The following CCN1 variants were observed in gnomAD, a reference collection of about 807,000 sequenced individuals.
The protein encoded by CCN1 is CCN family member 1.
In CCN1, 12 loss-of-function variants were observed where a neutral mutation model predicts 38.1. The observed-to-expected ratio is 0.31, with a 90% CI of 0.20 to 0.51. The LOEUF (loss-of-function observed/expected upper bound fraction) is 0.51, where lower values mean the gene tolerates loss of function less well. Ranked by LOEUF, CCN1 falls within the 20% of genes least tolerant of loss-of-function variation. CCN1 has a pLI of 0.97. For missense variants in CCN1, 466 were observed against 490.9 expected, an observed-to-expected ratio of 0.95 and a Z score of 0.48; for synonymous variants, 202 against 196.1, an observed-to-expected ratio of 1.03 and a Z score of -0.25.
Position 85,582,498 on chromosome 1 carries a change from C to T in CCN1, c.717C>T (p.Cys239=). ...TTCAAACAACTTCATGGTCCCAGTG[C>T]TCAAAGACCTGTGGAACTGGTATCT... ...CIVQTTSWSQ[C]SKTCGTGIST... Residue 239 remains cysteine, a synonymous_variant, in exon 4 of 5, where the codon TGC becomes TGT. Coordinates refer to ENST00000451137, the MANE Select transcript of CCN1 (RefSeq NM_001554.5). The T allele has an allele frequency of 2.5e-6, 4 of 1,614,192 alleles. No homozygotes were observed. Among genetic ancestry groups the T allele is most frequent in the Non-Finnish European group, 3.4e-6 (4 of 1,180,044 alleles).
At chr1:85,581,312 C>G in intron 1 of CCN1, 53 bp from the exon 2 acceptor site, 1 of 1,486,562 alleles carries the variant, frequency 6.7e-7, no homozygotes, top group Non-Finnish European at 9.0e-7. Flanking sequence ...GCAGCCGCGG[C>G]GCCCCTCCTG....
rs1301978847 is a variant in CCN1 at position 85,582,760 on chromosome 1, G to A, written c.864G>A (p.Lys288=). Residue 288 remains lysine (K), a synonymous_variant, in exon 5 of 5, where the codon AAG becomes AAA. Coordinates refer to ENST00000451137, the MANE Select transcript of CCN1 (RefSeq NM_001554.5). ...TACAGAAGGGCAAGAAATGCAGCAA[G>A]ACCAAGAAATCCCCCGAACCAGTCA... ...SSLKKGKKCS[K]TKKSPEPVRF... 6.2e-7 allele frequency: 1 copy of A among 1,613,712 alleles called. No individual in the cohort carries two copies. The highest frequency in any genetic ancestry group is 1.3e-5 in the African/African-American group (1 of 74,908).
rs372035630 is a variant in CCN1, at chr1:85,582,506, C to A, written c.725C>A (p.Thr242Asn). The change falls in exon 4 of 5, where the codon ACC (threonine) becomes AAC (asparagine). Residue 242 changes from threonine (T) to asparagine (N), a missense_variant. Around this residue, in one of 3 missense-constraint regions of CCN1, gnomAD observed 309 missense variants for 319.9 expected, o/e 0.97. Coordinates refer to ENST00000451137, the MANE Select transcript of CCN1 (RefSeq NM_001554.5). ...QTTSWSQCSK[T>N]CGTGISTRVT... ...ACTTCATGGTCCCAGTGCTCAAAGA[C>A]CTGTGGAACTGGTATCTCCACACGA... 6.2e-7 allele frequency: 1 copy of A among 1,614,166 alleles called. No homozygotes were observed. Among genetic ancestry groups the A allele is most frequent in the Non-Finnish European group, 8.5e-7 (1 of 1,180,036 alleles).
chr1:85,581,013 C>G lies in CCN1; in HGVS notation c.29C>G (p.Ala10Gly). The G allele has an allele frequency of 1.9e-6, 3 of 1,610,178 alleles. No homozygotes were observed. The highest frequency in any genetic ancestry group is 2.5e-6 in the Non-Finnish European group (3 of 1,178,668). Residue 10 changes from alanine to glycine, a missense_variant, in exon 1 of 5, where the codon GCC (alanine) becomes GGC (glycine). Around this residue, in one of 3 missense-constraint regions of CCN1, gnomAD observed 146 missense variants for 141.1 expected, o/e 1.03. Transcript: ENST00000451137. The part of the protein sequence containing the change: MSSRIARAL[A>G]LVVTLLHLTR... ...AGCTCCCGCATCGCCAGGGCGCTCG[C>G]CTTAGTCGTCACCCTTCTCCACTTG...
chr1:85,581,000 G>A lies in CCN1; in HGVS notation c.16G>A (p.Ala6Thr). ...GCGCGCCACAATGAGCTCCCGCATC[G>A]CCAGGGCGCTCGCCTTAGTCGTCAC... The part of the protein sequence containing the change: MSSRI[A>T]RALALVVTLL... Residue 6 changes from alanine to threonine, a missense_variant, in exon 1 of 5, where the codon GCC (alanine) becomes ACC (threonine). By Grantham distance (58) the Ala-to-Thr change is moderately conservative. Transcript: ENST00000451137. 1 of 1,605,952 alleles carries A rather than the reference G, an allele frequency of 6.2e-7. No individual in the cohort carries two copies. The highest frequency in any genetic ancestry group is 1.3e-5 in the African/African-American group (1 of 74,276).
At chr1:85,581,743 A>G (rs1659795119) in intron 2 of CCN1, 165 bp downstream of exon 2, 4 of 1,113,578 alleles carry the variant, frequency 3.6e-6, no homozygotes, top group Non-Finnish European at 5.3e-6. Context: ...TCTGGGCCCA[A>G]CGAAAGCGCA....
rs1002730214 is a variant in CCN1, at chr1:85,582,258, A to T, written c.608A>T (p.Lys203Ile). The T allele has an allele frequency of 1.9e-6, 3 of 1,614,174 alleles. No individual in the cohort carries two copies. Among genetic ancestry groups the T allele is most frequent in the Non-Finnish European group, 1.7e-6 (2 of 1,180,038 alleles). ...TRNNELIAVG[K>I]GSSLKRLPVF... is the part of the protein sequence containing the mutation. Reference sequence around the variant, plus strand: ...AACAATGAATTGATTGCAGTTGGAAAAGGCAGCTCACTGAAGCGGCTCCCT... The same window carrying T: ...AACAATGAATTGATTGCAGTTGGAATAGGCAGCTCACTGAAGCGGCTCCCT... The change falls in exon 3 of 5, where the codon AAA becomes ATA. Residue 203 changes from lysine to isoleucine, a missense_variant. Physicochemically the swap from Lys to Ile is moderately radical, Grantham distance 102 (BLOSUM62 -3). Around this residue, in one of 3 missense-constraint regions of CCN1, gnomAD observed 309 missense variants for 319.9 expected, o/e 0.97. Coordinates refer to ENST00000451137, the MANE Select transcript of CCN1 (RefSeq NM_001554.5).
At position 85,583,599 on chromosome 1, in the gene CCN1, G is replaced by A. The variant is rs1157295097; in HGVS notation, c.*557G>A. On this transcript the variant is annotated 3_prime_UTR_variant, in exon 5 of 5. Transcript: ENST00000451137. ...TATCAAAATGTAGCTTTTGGGGAGG[G>A]AGGGGAAATGTAATACTGGAATAAT... 6.5e-6 allele frequency: 1 copy of A among 152,722 alleles called. No individual in the cohort carries two copies. Among genetic ancestry groups the A allele is most frequent in the African/African-American group, 2.4e-5 (1 of 41,440 alleles). The allele number at this position is 152,722 out of a possible 1,614,324, so 9.5% of individuals were successfully genotyped here.
At position 85,583,167 on chromosome 1, in the gene CCN1, C is replaced by A; in HGVS notation, c.*125C>A. 1 of 1,087,692 alleles carries A rather than the reference C, an allele frequency of 9.2e-7. No individual in the cohort carries two copies. Among genetic ancestry groups the A allele is most frequent in the Non-Finnish European group, 1.3e-6 (1 of 761,124 alleles). The allele number at this position is 1,087,692 out of a possible 1,614,324, so 67.4% of individuals were successfully genotyped here. On this transcript the variant is annotated 3_prime_UTR_variant, in exon 5 of 5. Transcript: ENST00000451137. ...GACTCATTGTAGAAAGGAAGCCTTGCTCATTCTTGAGGAGCATTAAGGTAT... is the reference window on the plus strand; with the variant it reads ...GACTCATTGTAGAAAGGAAGCCTTGATCATTCTTGAGGAGCATTAAGGTAT...
At position 85,583,019 on chromosome 1, in the gene CCN1, G is replaced by C; in HGVS notation, c.1123G>C (p.Asp375His). The C allele has an allele frequency of 6.2e-7, 1 of 1,610,512 alleles. No individual in the cohort carries two copies. Among genetic ancestry groups the C allele is most frequent in the South Asian group, 1.1e-5 (1 of 91,042 alleles). Residue 375 changes from aspartate (D) to histidine (H), a missense_variant, in exon 5 of 5, where the codon GAC (aspartate) becomes CAC (histidine). This residue lies in a region of CCN1 where 309 missense variants were observed against 319.9 expected (regional missense o/e 0.97). Transcript: ENST00000451137. ...AAFPFYRLFN[D>H]IHKFRD is the part of the protein sequence containing the mutation. ...GTTTCCCTTCTACAGGCTGTTCAATGACATTCACAAATTTAGGGACTAAAT... is the reference window on the plus strand; with the variant it reads ...GTTTCCCTTCTACAGGCTGTTCAATCACATTCACAAATTTAGGGACTAAAT...
chr1:85,581,947 C>T lies in CCN1; in HGVS notation c.297C>T (p.Pro99=). The T allele has an allele frequency of 6.2e-7, 1 of 1,614,192 alleles. No homozygotes were observed. Among genetic ancestry groups the T allele is most frequent in the Non-Finnish European group, 8.5e-7 (1 of 1,180,018 alleles). The change falls in exon 3 of 5, where the codon CCC becomes CCT. Residue 99 remains proline (P), a synonymous_variant. Coordinates refer to ENST00000451137, the MANE Select transcript of CCN1 (RefSeq NM_001554.5). ...GICRAQSEGR[P]CEYNSRIYQN... is the part of the protein sequence containing the mutation. ...TTGCAGCTCAGTCAGAGGGCAGACC[C>T]TGTGAATATAACTCCAGAATCTACC...
At position 85,582,142 on chromosome 1, in the gene CCN1, C is replaced by G. The variant is rs781648697; in HGVS notation, c.492C>G (p.Asp164Glu). Residue 164 changes from aspartate to glutamate, a missense_variant, in exon 3 of 5, where the codon GAC becomes GAG. This residue lies in a region of CCN1 where 309 missense variants were observed against 319.9 expected (regional missense o/e 0.97). Coordinates refer to ENST00000451137, the MANE Select transcript of CCN1 (RefSeq NM_001554.5). Reference protein sequence around the residue: ...TGQCCEEWVCDEDSIKDPMED... With the variant: ...TGQCCEEWVCEEDSIKDPMED... ...AGTGCTGCGAGGAGTGGGTCTGTGACGAGGATAGTATCAAGGACCCCATGG... is the reference window on the plus strand; with the variant it reads ...AGTGCTGCGAGGAGTGGGTCTGTGAGGAGGATAGTATCAAGGACCCCATGG... 2.5e-6 allele frequency: 4 copies of G among 1,614,108 alleles called. No homozygotes were observed. The highest frequency in any genetic ancestry group is 3.4e-6 in the Non-Finnish European group (4 of 1,180,020).
rs764029932 is a variant in CCN1, at chr1:85,582,520, A to G, written c.739A>G (p.Ile247Val). ...GTGCTCAAAGACCTGTGGAACTGGT[A>G]TCTCCACACGAGTTACCAATGACAA... ...SQCSKTCGTG[I>V]STRVTNDNPE... The change falls in exon 4 of 5, where the codon ATC (isoleucine) becomes GTC (valine). Residue 247 changes from isoleucine to valine, a missense_variant. Ile to Val is a conservative substitution (Grantham distance 29). Transcript: ENST00000451137. The G allele has an allele frequency of 1.2e-6, 2 of 1,614,198 alleles. No homozygotes were observed. Among genetic ancestry groups the G allele is most frequent in the South Asian group, 1.1e-5 (1 of 91,080 alleles).
chr1:85,581,733 T>C, intron 2 of CCN1, 155 bp downstream of exon 2: 3 of 1,149,980 alleles, frequency 2.6e-6, no homozygotes, highest in Non-Finnish European at 3.8e-6. Context: ...ATTCAGTGTG[T>C]CTGGGCCCAA....
In CCN1 at chr1:85,580,872, C is replaced by G. The variant is rs1659756491; in HGVS notation, c.-113C>G. ...CGCCCAGCCCTCGCCTCCCTGCCCACCGGGCCCACCGCGCCGCCACCCCGA... is the reference window on the plus strand; with the variant it reads ...CGCCCAGCCCTCGCCTCCCTGCCCAGCGGGCCCACCGCGCCGCCACCCCGA... On this transcript the variant is annotated 5_prime_UTR_variant, in exon 1 of 5. Coordinates refer to ENST00000451137, the MANE Select transcript of CCN1 (RefSeq NM_001554.5). The G allele has an allele frequency of 1.9e-6, 2 of 1,035,466 alleles. No individual in the cohort carries two copies. Among genetic ancestry groups the G allele is most frequent in the Non-Finnish European group, 2.6e-6 (2 of 781,756 alleles). The allele number at this position is 1,035,466 out of a possible 1,614,324, so 64.1% of individuals were successfully genotyped here. A position where few individuals can be genotyped will look rare whatever the true frequency, so the allele number is the denominator to read the frequency against.
Position 85,581,558 on chromosome 1 carries a change from C to T in CCN1, c.257C>T (p.Ala86Val), listed in dbSNP as rs1006894670. The change falls in exon 2 of 5, where the codon GCT becomes GTT. Residue 86 changes from alanine to valine, a missense_variant. Transcript: ENST00000451137. ...TGCAACTTCGGCGCCAGCTCCACCG[C>T]TCTGAAGGGGATCTGCAGAGGTAAG... ...LECNFGASST[A>V]LKGICRAQSE... 1.2e-6 allele frequency: 2 copies of T among 1,613,938 alleles called. No individual in the cohort carries two copies. The highest frequency in any genetic ancestry group is 1.7e-6 in the Non-Finnish European group (2 of 1,179,974).
Position 85,582,262 on chromosome 1 carries a change from C to G in CCN1, c.612C>G (p.Gly204=). The part of the protein sequence containing the change: ...RNNELIAVGK[G]SSLKRLPVFG... ...ATGAATTGATTGCAGTTGGAAAAGG[C>G]AGCTCACTGAAGCGGCTCCCTGGTA... Residue 204 remains glycine, a synonymous_variant, in exon 3 of 5, where the codon GGC becomes GGG. Coordinates refer to ENST00000451137, the MANE Select transcript of CCN1 (RefSeq NM_001554.5). 1 of 1,614,162 alleles carries G rather than the reference C, an allele frequency of 6.2e-7. No individual in the cohort carries two copies. The highest frequency in any genetic ancestry group is 8.5e-7 in the Non-Finnish European group (1 of 1,180,028).
At position 85,582,517 on chromosome 1, in the gene CCN1, G is replaced by A. The variant is rs922667068; in HGVS notation, c.736G>A (p.Gly246Ser). 29 of 1,614,112 alleles carry A rather than the reference G, an allele frequency of 1.8e-5. No homozygotes were observed. The highest frequency in any genetic ancestry group is 2.4e-5 in the Non-Finnish European group (28 of 1,180,024). The change falls in exon 4 of 5, where the codon GGT becomes AGT. Residue 246 changes from glycine to serine, a missense_variant. By Grantham distance (56) the Gly-to-Ser change is moderately conservative (BLOSUM62 0). Coordinates refer to ENST00000451137, the MANE Select transcript of CCN1 (RefSeq NM_001554.5). Reference protein sequence around the residue: ...WSQCSKTCGTGISTRVTNDNP... With the variant: ...WSQCSKTCGTSISTRVTNDNP... ...CCAGTGCTCAAAGACCTGTGGAACT[G>A]GTATCTCCACACGAGTTACCAATGA...
In CCN1 at chr1:85,581,072, C is replaced by A. The variant is rs778520172; in HGVS notation, c.63+25C>A. 3 of 1,600,018 alleles carry A rather than the reference C, an allele frequency of 1.9e-6. No homozygotes were observed. The East Asian group carries it at 6.8e-5, about 36-fold the overall frequency. ...GGTGAGTTGGACTCTCCTTTTGCCACCTATTCCCCGTCCGCTCTCCAGCCC... is the reference window on the plus strand; with the variant it reads ...GGTGAGTTGGACTCTCCTTTTGCCAACTATTCCCCGTCCGCTCTCCAGCCC... On this transcript the variant is annotated intron_variant, in intron 1 of 4. Coordinates refer to ENST00000451137, the MANE Select transcript of CCN1 (RefSeq NM_001554.5).
Sources: gnomAD v4.1 joint callset for allele counts on GRCh38, gnomAD v4.1.1 for gene constraint, gnomAD v4.1.1 regional missense constraint, MANE v1.5 for transcripts, NCBI Gene and HGNC (gene_info 2026-07-23, HGNC 2026-07-21) for gene names.